Variants in KCNQ3 observed in about 807,000 individuals in gnomAD.
KCNQ3 encodes the protein potassium voltage-gated channel subfamily Q member 3, also known as potassium voltage-gated channel subfamily KQT member 3.
Under a neutral mutation model 92.5 loss-of-function variants are expected in KCNQ3, and 30 were observed. The observed-to-expected ratio is 0.32, with a 90% CI of 0.24 to 0.44. KCNQ3 has a LOEUF of 0.44. Ranked by LOEUF, KCNQ3 falls within the 20% of genes least tolerant of loss-of-function variation. KCNQ3 has a pLI of 1.00. For synonymous variants in KCNQ3, 450 were observed against 468.8 expected (o/e 0.96, Z 0.52); for missense variants, 913 against 1,140.3 (o/e 0.80, Z 2.87).
At chr8:132,424,715 A>G (rs568130273) in intron 1 of KCNQ3, among the ~76,000 whole-genome samples, 9 of 152,200 alleles carry the variant, frequency 5.9e-5, no homozygotes, top group Non-Finnish European at 1.2e-4. Context: ...ACTCCCTCCG[A>G]AGGCTCTAGA....
At chr8:132,378,345 T>C (rs1819663677) in intron 1 of KCNQ3, among the ~76,000 whole-genome samples, 1 of 151,848 alleles carries the variant, frequency 6.6e-6, no homozygotes, top group African/African-American at 2.4e-5. Context: ...TGAGCCAAGA[T>C]CATGCCACTG....
chr8:132,318,821 G>A (rs149917161), intron 1 of KCNQ3, among the ~76,000 whole-genome samples: 18 of 152,284 alleles, frequency 1.2e-4, no homozygotes, highest in African/African-American at 2.6e-4. Flanking sequence ...AGCATCAGTC[G>A]ACCCTGAATC....
rs115339894 is a variant in KCNQ3 at position 132,149,573 on chromosome 8, C to A, written c.1263-8242G>T. 6.9e-3 allele frequency among the ~76,000 whole-genome samples: 1,055 copies of A among 152,228 alleles called. 14 individuals are homozygous for A. The highest frequency in any genetic ancestry group is 0.024 in the African/African-American group (999 of 41,546). ...AAAACCTTTAACTTTTGCTTCTGAG[C>A]CTTTTGGTTCTATGGCATTTATCTT... On this transcript the variant is annotated intron_variant, in intron 9 of 14. Coordinates refer to ENST00000388996, the MANE Select transcript of KCNQ3 (RefSeq NM_004519.4).
intron 9 of KCNQ3, among the ~76,000 whole-genome samples, chr8:132,156,684 G>A (rs1223180366): frequency 6.6e-6 from 1 of 152,166 alleles, no homozygotes; most frequent in African/African-American, 2.4e-5. Flanking sequence ...TACCACACTT[G>A]TTTTTGGCAA....
At chr8:132,447,153 T>G in intron 1 of KCNQ3, 1 of 1,479,158 alleles carries the variant, frequency 6.8e-7, no homozygotes, top group Non-Finnish European at 9.1e-7. Context: ...GAGTCCATCT[T>G]AGGATGCTCT....
chr8:132,353,253 A>G (rs987301653), intron 1 of KCNQ3, among the ~76,000 whole-genome samples: 1 of 151,982 alleles, frequency 6.6e-6, no homozygotes, highest in African/African-American at 2.4e-5. Context: ...TCCGCCAAAA[A>G]AAGTAGGATT....
At chr8:132,200,819 A>G (rs1434439226) in intron 1 of KCNQ3, among the ~76,000 whole-genome samples, 1 of 152,178 alleles carries the variant, frequency 6.6e-6, no homozygotes, top group Non-Finnish European at 1.5e-5. Context: ...GTTTTTAACT[A>G]AGTCAACGGC....
chr8:132,244,920 C>CAAAAAAAAAAA (rs35215337), intron 1 of KCNQ3, among the ~76,000 whole-genome samples: 3 of 112,374 alleles, frequency 2.7e-5, no homozygotes, highest in Non-Finnish European at 5.2e-5. Flanking sequence ...CTCACTTGAC[C>CAAAAAAAAAAA]AAAAAAAAAA....
intron 1 of KCNQ3, among the ~76,000 whole-genome samples, chr8:132,393,396 T>C (rs904238123): frequency 8.5e-5 from 13 of 152,230 alleles, no homozygotes; most frequent in African/African-American, 3.1e-4. Context: ...ACCTGATGTC[T>C]TTGTTTCAAC....
chr8:132,165,075 T>C (rs2130085337), intron 8 of KCNQ3, among the ~76,000 whole-genome samples: 1 of 152,304 alleles, frequency 6.6e-6, no homozygotes, highest in East Asian at 1.9e-4. Context: ...TACTAGACCC[T>C]TTCCATCAAA....
At chr8:132,406,485 A>C (rs1027400007) in intron 1 of KCNQ3, among the ~76,000 whole-genome samples, 2 of 152,076 alleles carry the variant, frequency 1.3e-5, no homozygotes, top group African/African-American at 4.8e-5. Flanking sequence ...CACCCCCTCC[A>C]CAATTCCATT....
intron 1 of KCNQ3, among the ~76,000 whole-genome samples, chr8:132,317,007 T>C (rs1817763678): frequency 6.6e-6 from 1 of 152,208 alleles, no homozygotes; most frequent in African/African-American, 2.4e-5. Context: ...TACACATCTG[T>C]CCTCCAATTC....
At chr8:132,373,278 C>T (rs1011200823) in intron 1 of KCNQ3, among the ~76,000 whole-genome samples, 13 of 152,104 alleles carry the variant, frequency 8.5e-5, no homozygotes, top group African/African-American at 3.1e-4. Flanking sequence ...GTCACTTAAC[C>T]TCTCTGGGAC....
At chr8:132,157,576 G>C (rs913674404) in intron 9 of KCNQ3, among the ~76,000 whole-genome samples, 2 of 152,128 alleles carry the variant, frequency 1.3e-5, no homozygotes, top group African/African-American at 4.8e-5. Context: ...TGTTTCCAAG[G>C]ACACACTTGG....
intron 1 of KCNQ3, among the ~76,000 whole-genome samples, chr8:132,441,862 TGGTAC>T (rs1821547310): frequency 6.6e-6 from 1 of 152,184 alleles, no homozygotes; most frequent in African/African-American, 2.4e-5. Flanking sequence ...AAAGAAAATG[TGGTAC>T]ATATACACCA....
intron 1 of KCNQ3, among the ~76,000 whole-genome samples, chr8:132,356,031 A>G (rs1382101872): frequency 6.6e-6 from 1 of 152,190 alleles, no homozygotes; most frequent in East Asian, 1.9e-4. Flanking sequence ...CATGAAGGTG[A>G]TAAGTCAGAT....
chr8:132,174,179 A>G (rs1826472025), intron 6 of KCNQ3, 60 bp downstream of exon 6: 2 of 1,203,018 alleles, frequency 1.7e-6, no homozygotes, highest in Admixed American at 2.0e-5. Flanking sequence ...TTGAGCTGGC[A>G]CCAGGCGGTA....
intron 1 of KCNQ3, among the ~76,000 whole-genome samples, chr8:132,337,328 C>G (rs368527895): frequency 6.6e-6 from 1 of 152,058 alleles, no homozygotes. Context: ...TAAACCCAGT[C>G]TCTATAAAAA....
rs1055482111 is a variant in KCNQ3, at chr8:132,186,673, A to G, written c.387-492T>C. 3.5e-5 allele frequency: 10 copies of G among 289,004 alleles called. No individual in the cohort carries two copies. In the Admixed American group the frequency reaches 5.0e-4, roughly 15 times the overall value. The allele number at this position is 289,004 out of a possible 1,614,324, so 17.9% of individuals were successfully genotyped here. A position where few individuals can be genotyped will look rare whatever the true frequency, so the allele number is the denominator to read the frequency against. On this transcript the variant is annotated intron_variant, in intron 1 of 14. Coordinates refer to ENST00000388996, the MANE Select transcript of KCNQ3 (RefSeq NM_004519.4). Reference sequence around the variant, plus strand: ...AAGGCTTCTGTGACCAAGTATGAATATTGTCACCAAGTATGAATATTGTTC... The same window carrying G: ...AAGGCTTCTGTGACCAAGTATGAATGTTGTCACCAAGTATGAATATTGTTC...
Sources: gnomAD v4.1 joint callset for allele counts (sites outside exome capture counted in the v4.1 genomes callset) on GRCh38, gnomAD v4.1.1 for gene constraint, MANE v1.5 for transcripts, NCBI Gene and HGNC (gene_info 2026-07-23, HGNC 2026-07-21) for gene names.